The following GALNT18 variants were observed in gnomAD, a reference collection of about 807,000 sequenced individuals.
The protein encoded by GALNT18 is polypeptide N-acetylgalactosaminyltransferase 18, also known as GalNAc-transferase 18.
A neutral mutation model predicts 69.5 loss-of-function variants in GALNT18; 44 were observed. That is an observed-to-expected ratio of 0.63 (90% CI 0.50 to 0.81). The LOEUF is 0.81. Among genes scored for constraint, GALNT18 ranks in the 40% least tolerant of loss-of-function variants. The pLI, the probability that GALNT18 is intolerant of heterozygous loss-of-function variation, is 0.00. For missense variants in GALNT18, 715 were observed against 810.0 expected (o/e 0.88, Z 1.42); for synonymous variants, 364 against 318.2 (o/e 1.14, Z -1.53).
At chr11:11,539,088 G>A (rs547359741) in intron 1 of GALNT18, among the ~76,000 whole-genome samples, 4 of 152,330 alleles carry the variant, frequency 2.6e-5, no homozygotes, top group South Asian at 2.1e-4. Context: ...TAATTCAGTC[G>A]CTGAACAAAT....
At chr11:11,276,379 G>T (rs1387497849) in intron 10 of GALNT18, among the ~76,000 whole-genome samples, 2 of 152,174 alleles carry the variant, frequency 1.3e-5, no homozygotes, top group East Asian at 1.9e-4. Context: ...CATTGATTTT[G>T]TATCCTGAGA....
chr11:11,607,425 TCTG>T (rs574001953), intron 1 of GALNT18, among the ~76,000 whole-genome samples: 2 of 152,218 alleles, frequency 1.3e-5, no homozygotes, highest in Non-Finnish European at 2.9e-5. Context: ...CCCTCAGTTT[TCTG>T]CTATCATTAG....
intron 1 of GALNT18, among the ~76,000 whole-genome samples, chr11:11,574,105 T>C (rs1263233379): frequency 6.6e-6 from 1 of 152,082 alleles, no homozygotes. Context: ...GGTATGTGGC[T>C]CCCCATGCCC....
chr11:11,344,770 G>A (rs560218358), intron 6 of GALNT18, among the ~76,000 whole-genome samples: 5 of 152,284 alleles, frequency 3.3e-5, no homozygotes, highest in East Asian at 1.9e-4. Flanking sequence ...TGTGGATGGC[G>A]GTCAAGGAAG....
intron 9 of GALNT18, among the ~76,000 whole-genome samples, chr11:11,298,630 C>G (rs932540257): frequency 4.6e-5 from 7 of 152,220 alleles, no homozygotes; most frequent in African/African-American, 9.6e-5. Flanking sequence ...CTACCAGGGC[C>G]GTTCCCACCA....
chr11:11,502,023 C>A (rs554603225), intron 1 of GALNT18, among the ~76,000 whole-genome samples: 4 of 152,170 alleles, frequency 2.6e-5, no homozygotes, highest in Non-Finnish European at 4.4e-5. Flanking sequence ...TTGGAAGAAG[C>A]CAAGAGCCAG....
chr11:11,447,210 C>T (rs1201416833), intron 2 of GALNT18, among the ~76,000 whole-genome samples: 1 of 152,174 alleles, frequency 6.6e-6, no homozygotes, highest in Non-Finnish European at 1.5e-5. Context: ...CTGAAAGGTA[C>T]TCCCCCCATC....
rs113327440 is a variant in GALNT18 at position 11,271,282 on chromosome 11, G to T, written c.1686C>A (p.Pro562=). Residue 562 remains proline, a synonymous_variant, in exon 11 of 11, where the codon CCC becomes CCA. Coordinates refer to ENST00000227756, the MANE Select transcript of GALNT18 (RefSeq NM_198516.3). The part of the protein sequence containing the change: ...KLHWQFSQGG[P]IQNRKSKRCL... ...AGCGCTTAGACTTGCGGTTCTGGAT[G>T]GGTCCTCCCTAGGGGCCAGGGCAGA... The T allele has an allele frequency of 6.2e-7, 1 of 1,613,700 alleles. No individual in the cohort carries two copies. Among genetic ancestry groups the T allele is most frequent in the African/African-American group, 1.3e-5 (1 of 74,916 alleles).
intron 9 of GALNT18, among the ~76,000 whole-genome samples, chr11:11,316,405 G>T (rs1352975114): frequency 6.6e-6 from 1 of 152,160 alleles, no homozygotes; most frequent in Non-Finnish European, 1.5e-5. Context: ...AAGATATGGG[G>T]GTGCAAGCAC....
rs183251655 is a variant in GALNT18 at position 11,596,769 on chromosome 11, T to C, written c.235+24590A>G. Among the ~76,000 whole-genome samples the C allele has an allele frequency of 9.2e-5, 14 of 152,306 alleles. No individual in the cohort carries two copies. The highest frequency in any genetic ancestry group is 3.9e-4 in the Admixed American group (6 of 15,308). On this transcript the variant is annotated intron_variant, in intron 1 of 10. Coordinates refer to ENST00000227756, the MANE Select transcript of GALNT18 (RefSeq NM_198516.3). This position sits in a 1 kb window ranked among gnomAD's most constrained non-coding sequence, Gnocchi z 4.2. ...CTGATTTTTAGTGGATTCCCTAGGATACATGATTATGTCATCTGCAAACAG... is the reference window on the plus strand; with the variant it reads ...CTGATTTTTAGTGGATTCCCTAGGACACATGATTATGTCATCTGCAAACAG...
Position 11,332,438 on chromosome 11 carries a change from A to C in GALNT18, c.1416+256T>G, listed in dbSNP as rs1208478014. On this transcript the variant is annotated intron_variant, in intron 8 of 10. Coordinates refer to ENST00000227756, the MANE Select transcript of GALNT18 (RefSeq NM_198516.3). The surrounding 1 kb of genome is among the most constrained non-coding windows in gnomAD (Gnocchi z 4.3). Reference sequence around the variant, plus strand: ...CTTTATTATGTGTTTTATTAAGCGGAATATGCAGGTGTGGGGCCAGAGCTG... The same window carrying C: ...CTTTATTATGTGTTTTATTAAGCGGCATATGCAGGTGTGGGGCCAGAGCTG... Among the ~76,000 whole-genome samples the C allele has an allele frequency of 2.0e-5, 3 of 152,160 alleles. No homozygotes were observed. Among genetic ancestry groups the C allele is most frequent in the Non-Finnish European group, 4.4e-5 (3 of 68,030 alleles).
chr11:11,534,014 C>G (rs1210810883), intron 1 of GALNT18, among the ~76,000 whole-genome samples: 3 of 152,322 alleles, frequency 2.0e-5, no homozygotes, highest in South Asian at 2.1e-4. Context: ...CACTATGCAT[C>G]ATCTCACGCA....
rs532746595 is a variant in GALNT18, at chr11:11,542,480, T to C, written c.235+78879A>G. ...CACATGCAATTCTTCAATGAATGAA[T>C]GAAGAAATCATCACGTGCTTCTCAC... On this transcript the variant is annotated intron_variant, in intron 1 of 10. Transcript: ENST00000227756. This position sits in a 1 kb window ranked among gnomAD's most constrained non-coding sequence, Gnocchi z 4.3. Among the ~76,000 whole-genome samples, 100 of 152,362 alleles carry C rather than the reference T, an allele frequency of 6.6e-4. No homozygotes were observed. Among genetic ancestry groups the C allele is most frequent in the Admixed American group, 1.1e-3 (17 of 15,304 alleles).
At chr11:11,487,612 G>A (rs893383172) in intron 1 of GALNT18, among the ~76,000 whole-genome samples, 3 of 152,152 alleles carry the variant, frequency 2.0e-5, no homozygotes, top group Admixed American at 2.0e-4. Flanking sequence ...TCGAGTCCCT[G>A]CACAGGTTTT....
chr11:11,499,664 T>G (rs1430547340), intron 1 of GALNT18, among the ~76,000 whole-genome samples: 2 of 152,220 alleles, frequency 1.3e-5, no homozygotes, highest in African/African-American at 4.8e-5. Flanking sequence ...GCCTCTGCCT[T>G]GCCCTCCAAG....
rs905731710 is a variant in GALNT18 at position 11,329,370 on chromosome 11, G to C, written c.1417-2189C>G. Among the ~76,000 whole-genome samples the C allele has an allele frequency of 2.0e-5, 3 of 152,252 alleles. No homozygotes were observed. In the South Asian group the frequency reaches 6.2e-4, roughly 32 times the overall value. The stretch of plus-strand genomic sequence containing the variant: ...ACCTAATTCTCATAATGACTAGCCA[G>C]CCCAGAGATATTATCTCTTTTAAGG... On this transcript the variant is annotated intron_variant, in intron 8 of 10. Transcript: ENST00000227756.
chr11:11,608,758 T>C (rs1859815145), intron 1 of GALNT18, among the ~76,000 whole-genome samples: 2 of 152,188 alleles, frequency 1.3e-5, no homozygotes, highest in African/African-American at 4.8e-5. Flanking sequence ...CTGATTCTCA[T>C]GACTGCCTGC....
intron 1 of GALNT18, among the ~76,000 whole-genome samples, chr11:11,485,697 G>A (rs1856629897): frequency 6.6e-6 from 1 of 152,188 alleles, no homozygotes; most frequent in Non-Finnish European, 1.5e-5. Flanking sequence ...CTGTGGACCA[G>A]ACAGCAAAAG....
At chr11:11,508,240 C>G (rs897333181) in intron 1 of GALNT18, among the ~76,000 whole-genome samples, 2 of 152,108 alleles carry the variant, frequency 1.3e-5, no homozygotes, top group African/African-American at 2.4e-5. Flanking sequence ...CACACATATA[C>G]CCTTTTTTGT....
Sources: gnomAD v4.1 joint callset for allele counts (sites outside exome capture counted in the v4.1 genomes callset) on GRCh38, gnomAD v4.1.1 for gene constraint, Gnocchi (gnomAD v3.1) non-coding constraint, MANE v1.5 for transcripts, NCBI Gene and HGNC (gene_info 2026-07-23, HGNC 2026-07-21) for gene names.